ZNF407: variants seen among roughly 807,000 people sequenced by gnomAD.
The protein encoded by ZNF407 is zinc finger protein 407.
Under a neutral mutation model 131.2 loss-of-function variants are expected in ZNF407, and 17 were observed. The observed-to-expected ratio is 0.13, with a 90% CI of 0.09 to 0.19. The LOEUF (loss-of-function observed/expected upper bound fraction) is 0.19. Among genes scored for constraint, ZNF407 ranks in the 10% least tolerant of loss-of-function variants. The pLI, the probability that ZNF407 is intolerant of heterozygous loss-of-function variation, is 1.00. For missense variants in ZNF407, 2,681 were observed against 2,830.6 expected (o/e 0.95, Z 1.20); for synonymous variants, 1,156 against 1,062.0 (o/e 1.09, Z -1.72).
intron 4 of ZNF407, among the ~76,000 whole-genome samples, chr18:74,841,586 T>C (rs1970634295): frequency 6.6e-6 from 1 of 152,230 alleles, no homozygotes; most frequent in South Asian, 2.1e-4. Context: ...CCCACCACAG[T>C]GACTGCTACG....
At chr18:74,968,325 C>A (rs1002160429) in intron 8 of ZNF407, among the ~76,000 whole-genome samples, 35 of 152,158 alleles carry the variant, frequency 2.3e-4, no homozygotes, top group Admixed American at 2.2e-3. Flanking sequence ...GTTTTTGCTT[C>A]AATCTCAAAT....
chr18:74,806,167 G>A (rs1970106200), intron 4 of ZNF407, among the ~76,000 whole-genome samples: 1 of 152,248 alleles, frequency 6.6e-6, no homozygotes, highest in African/African-American at 2.4e-5. Flanking sequence ...AGCAGTGGCT[G>A]GATGGCGCAG....
At chr18:74,636,473 G>A (rs760821290) in intron 2 of ZNF407, among the ~76,000 whole-genome samples, 10 of 152,000 alleles carry the variant, frequency 6.6e-5, no homozygotes, top group African/African-American at 4.8e-5. Flanking sequence ...ATTGTGCTCC[G>A]CTTAGACAAG....
intron 3 of ZNF407, among the ~76,000 whole-genome samples, chr18:74,652,676 G>C (rs1047520237): frequency 6.6e-6 from 1 of 151,942 alleles, no homozygotes; most frequent in Non-Finnish European, 1.5e-5. Flanking sequence ...TTCTCCATTA[G>C]TTTCATATTA....
intron 4 of ZNF407, among the ~76,000 whole-genome samples, chr18:74,796,999 T>A (rs1969932047): frequency 6.6e-6 from 1 of 152,122 alleles, no homozygotes; most frequent in Non-Finnish European, 1.5e-5. Context: ...CAGTTTGAAA[T>A]CTAGACCTCA....
intron 8 of ZNF407, among the ~76,000 whole-genome samples, chr18:74,956,301 C>T (rs894225518): frequency 3.3e-5 from 5 of 152,018 alleles, no homozygotes; most frequent in Non-Finnish European, 5.9e-5. Flanking sequence ...TTGCTGGCCT[C>T]GGTGTGGCCC....
intron 8 of ZNF407, among the ~76,000 whole-genome samples, chr18:74,975,483 C>A (rs867990714): frequency 6.6e-6 from 1 of 151,844 alleles, no homozygotes; most frequent in Admixed American, 6.6e-5. Flanking sequence ...GTTGTTTGAT[C>A]GAAATTCTAC....
At chr18:74,648,559 A>G (rs1409804331) in intron 3 of ZNF407, among the ~76,000 whole-genome samples, 1 of 152,236 alleles carries the variant, frequency 6.6e-6, no homozygotes, top group Non-Finnish European at 1.5e-5. Flanking sequence ...CCGCTTCAGA[A>G]TCAAGGGGCA....
chr18:74,627,792 CTCTT>C (rs1368628360), intron 1 of ZNF407, among the ~76,000 whole-genome samples: 2,831 of 108,384 alleles, frequency 0.026, 84 homozygotes, highest in African/African-American at 0.087. Flanking sequence ...CTCTCTCTCT[CTCTT>C]TCTCTCTTTC....
chr18:75,061,863 G>A (rs1973638632), intron 8 of ZNF407: 3 of 152,292 alleles, frequency 2.0e-5, no homozygotes, highest in Admixed American at 1.3e-4. Context: ...GGGCACCACG[G>A]GGCTTATGGT....
intron 3 of ZNF407, among the ~76,000 whole-genome samples, chr18:74,702,058 C>T (rs1359263823): frequency 6.6e-6 from 1 of 152,116 alleles, no homozygotes; most frequent in Non-Finnish European, 1.5e-5. Context: ...GGAGACATGC[C>T]TGCGAATATT....
At chr18:74,764,494 C>T (rs1175766603) in intron 3 of ZNF407, among the ~76,000 whole-genome samples, 1 of 152,096 alleles carries the variant, frequency 6.6e-6, no homozygotes, top group Non-Finnish European at 1.5e-5. Context: ...TGGATTCTAC[C>T]AACTGCTGGT....
At chr18:74,655,353 T>C (rs995490672) in intron 3 of ZNF407, among the ~76,000 whole-genome samples, 1 of 152,064 alleles carries the variant, frequency 6.6e-6, no homozygotes, top group Admixed American at 6.6e-5. Flanking sequence ...ACACCTATTT[T>C]AGAACATAAT....
chr18:74,868,639 C>T (rs1195105014), intron 4 of ZNF407, among the ~76,000 whole-genome samples: 1 of 152,206 alleles, frequency 6.6e-6, no homozygotes, highest in Admixed American at 6.5e-5. Flanking sequence ...ACTGCTCTTG[C>T]ATACCACCTG....
intron 4 of ZNF407, among the ~76,000 whole-genome samples, chr18:74,829,301 A>AC (rs1484967438): frequency 1.3e-5 from 2 of 152,212 alleles, no homozygotes; most frequent in African/African-American, 4.8e-5. Context: ...AATCATTTGT[A>AC]ATAGGCATTC....
intron 4 of ZNF407, among the ~76,000 whole-genome samples, chr18:74,785,346 C>T (rs1272099081): frequency 6.6e-6 from 1 of 152,110 alleles, no homozygotes; most frequent in Non-Finnish European, 1.5e-5. Flanking sequence ...CTGGGGTCCT[C>T]CAGATTACTG....
chr18:75,037,428 A>G (rs1973321679), intron 8 of ZNF407, among the ~76,000 whole-genome samples: 1 of 152,048 alleles, frequency 6.6e-6, no homozygotes, highest in Admixed American at 6.5e-5. Flanking sequence ...AAAGATGAAG[A>G]AAAAAACTTT....
chr18:74,925,211 A>G (rs1274239652), intron 8 of ZNF407, among the ~76,000 whole-genome samples: 1 of 152,180 alleles, frequency 6.6e-6, no homozygotes, highest in Admixed American at 6.5e-5. Flanking sequence ...TCATATACGT[A>G]TGTACATTAG....
At chr18:75,015,663 A>C (rs1973035282) in intron 8 of ZNF407, among the ~76,000 whole-genome samples, 1 of 151,106 alleles carries the variant, frequency 6.6e-6, no homozygotes, top group Non-Finnish European at 1.5e-5. Context: ...CTAGTGACTG[A>C]CAACAGGTAA....
Sources: allele counts gnomAD v4.1 joint callset (sites outside exome capture counted in the v4.1 genomes callset), GRCh38; gene constraint gnomAD v4.1.1; transcripts MANE v1.5; gene names NCBI Gene and HGNC (gene_info 2026-07-23, HGNC 2026-07-21).